The following CCDC85C variants were observed in gnomAD, a reference collection of about 807,000 sequenced individuals.
CCDC85C encodes the protein coiled-coil domain containing 85C.
In CCDC85C, 18 loss-of-function variants were observed where a neutral mutation model predicts 38.3. The observed-to-expected ratio is 0.47, with a 90% CI of 0.33 to 0.70. The LOEUF (loss-of-function observed/expected upper bound fraction) is 0.70. CCDC85C is among the 30% of genes least tolerant of loss of function. The probability of loss-of-function intolerance (pLI) is 0.03; values close to 1 mark genes in which losing one functional copy is unlikely to be tolerated. For missense variants in CCDC85C, 566 were observed against 621.2 expected (o/e 0.91, Z 0.94); for synonymous variants, 264 against 293.8 (o/e 0.90, Z 1.04).
chr14:99,567,933 G>C (rs1436235123), intron 1 of CCDC85C, among the ~76,000 whole-genome samples: 1 of 152,214 alleles, frequency 6.6e-6, no homozygotes, highest in Non-Finnish European at 1.5e-5. Context: ...GCCAAACAAA[G>C]ATGCCAGCAC....
rs1015747591 is a variant in CCDC85C, at chr14:99,514,442, T to A, written c.*804A>T. 31 of 151,698 alleles carry A rather than the reference T, an allele frequency of 2.0e-4. No homozygotes were observed. The highest frequency in any genetic ancestry group is 6.3e-4 in the African/African-American group (26 of 41,180). The allele number at this position is 151,698 out of a possible 1,614,324, so 9.4% of individuals were successfully genotyped here. On this transcript the variant is annotated 3_prime_UTR_variant, in exon 6 of 6. Coordinates refer to ENST00000380243, the MANE Select transcript of CCDC85C (RefSeq NM_001144995.2). ...ATCACATGTGGCTCAGCCCAGAAACTCTCCCCAGGCCCTTCCTGTTACTGG... is the reference window on the plus strand; with the variant it reads ...ATCACATGTGGCTCAGCCCAGAAACACTCCCCAGGCCCTTCCTGTTACTGG...
intron 1 of CCDC85C, among the ~76,000 whole-genome samples, chr14:99,593,144 G>A (rs987893019): frequency 3.9e-5 from 6 of 152,228 alleles, no homozygotes; most frequent in Non-Finnish European, 8.8e-5. Context: ...GTGACAGGCG[G>A]GCGCATTCAG....
At chr14:99,579,370 G>A (rs2054940335) in intron 1 of CCDC85C, among the ~76,000 whole-genome samples, 1 of 152,154 alleles carries the variant, frequency 6.6e-6, no homozygotes, top group African/African-American at 2.4e-5. Context: ...GGGGAGGGGG[G>A]CAGGGAGGCC....
Position 99,503,968 on chromosome 14 carries a change from G to C in CCDC85C, c.*11278C>G. ...GAGACTATTTACCCCCATCACAGCA[G>C]CAGGAGTCCTCTCCCAAGCACCAAG... On this transcript the variant is annotated 3_prime_UTR_variant, in exon 6 of 6. Transcript: ENST00000380243. 1 of 362,554 alleles carries C rather than the reference G, an allele frequency of 2.8e-6. No individual in the cohort carries two copies. Among genetic ancestry groups the C allele is most frequent in the Non-Finnish European group, 5.2e-6 (1 of 191,442 alleles). 22.5% of individuals were successfully genotyped at this position (362,554 alleles called of 1,614,324 possible).
In CCDC85C at chr14:99,548,757, T is replaced by G. The variant is rs1190553452; in HGVS notation, c.794-12669A>C. Among the ~76,000 whole-genome samples, 6 of 151,368 alleles carry G rather than the reference T, an allele frequency of 4.0e-5. No individual in the cohort carries two copies. Among genetic ancestry groups the G allele is most frequent in the African/African-American group, 1.5e-4 (6 of 41,102 alleles). ...GCGTGCTGGAGCTCAGGAGTGTGAGTCCAGCCCGGGCAATCTAAAAAAAGA... is the reference window on the plus strand; with the variant it reads ...GCGTGCTGGAGCTCAGGAGTGTGAGGCCAGCCCGGGCAATCTAAAAAAAGA... On this transcript the variant is annotated intron_variant, in intron 1 of 5. Coordinates refer to ENST00000380243, the MANE Select transcript of CCDC85C (RefSeq NM_001144995.2). The surrounding 1 kb of genome is among the most constrained non-coding windows in gnomAD (Gnocchi z 4.9).
At chr14:99,560,573 C>T (rs1898098205) in intron 1 of CCDC85C, among the ~76,000 whole-genome samples, 3 of 152,208 alleles carry the variant, frequency 2.0e-5, no homozygotes, top group African/African-American at 7.2e-5. Flanking sequence ...GCATCACGCC[C>T]GCCTCACAGG....
chr14:99,522,344 GC>G, intron 2 of CCDC85C, 104 bp from the exon 3 acceptor site: 2 of 805,360 alleles, frequency 2.5e-6, no homozygotes, highest in South Asian at 3.5e-5. Context: ...CAAAGGCACG[GC>G]CCCGGAGGAC....
Position 99,572,916 on chromosome 14 carries a change from G to C in CCDC85C, c.793+30251C>G. On this transcript the variant is annotated intron_variant, in intron 1 of 5. Coordinates refer to ENST00000380243, the MANE Select transcript of CCDC85C (RefSeq NM_001144995.2). The surrounding 1 kb of genome is among the most constrained non-coding windows in gnomAD (Gnocchi z 4.4). ...GGCAGGGTGGGAGGCACGGACCTGA[G>C]GCAGCGCCTTCTCTTAGCTCTGAGC... 1 of 434,814 alleles carries C rather than the reference G, an allele frequency of 2.3e-6. No homozygotes were observed. Among genetic ancestry groups the C allele is most frequent in the Non-Finnish European group, 4.6e-6 (1 of 215,782 alleles). The allele number at this position is 434,814 out of a possible 1,614,324, so 26.9% of individuals were successfully genotyped here. A position where few individuals can be genotyped will look rare whatever the true frequency, so the allele number is the denominator to read the frequency against.
rs1896809221 is a variant in CCDC85C, at chr14:99,500,965, CAA to C, written c.*14279_*14280del. On this transcript the variant is annotated 3_prime_UTR_variant, in exon 6 of 6. Coordinates refer to ENST00000380243, the MANE Select transcript of CCDC85C (RefSeq NM_001144995.2). ...AATTACGCTTCTCAAAAGCGGAAAA[CAA>C]AGTTTGATGTGTGAAATACCAAGGG... 11 of 807,190 alleles carry C rather than the reference CAA, an allele frequency of 1.4e-5. No homozygotes were observed. In the Admixed American group the frequency reaches 2.4e-4, roughly 18 times the overall value. The allele number at this position is 807,190 out of a possible 1,614,324, so 50.0% of individuals were successfully genotyped here. A position where few individuals can be genotyped will look rare whatever the true frequency, so the allele number is the denominator to read the frequency against.
chr14:99,592,304 G>C (rs1473880183), intron 1 of CCDC85C, among the ~76,000 whole-genome samples: 4 of 152,214 alleles, frequency 2.6e-5, no homozygotes, highest in Admixed American at 2.6e-4. Context: ...TCGTGGGTTA[G>C]GCAGGGGAGC....
At position 99,503,075 on chromosome 14, in the gene CCDC85C, G is replaced by A. The variant is rs576158425; in HGVS notation, c.*12171C>T. The stretch of plus-strand genomic sequence containing the variant: ...GTTCCCATTTCTAAGCGAGCACAGG[G>A]AACACCGGAAGCAGGGGGTGTTCGC... On this transcript the variant is annotated 3_prime_UTR_variant, in exon 6 of 6. Coordinates refer to ENST00000380243, the MANE Select transcript of CCDC85C (RefSeq NM_001144995.2). 9.9e-6 allele frequency: 14 copies of A among 1,411,912 alleles called. No homozygotes were observed. The highest frequency in any genetic ancestry group is 1.4e-5 in the Non-Finnish European group (14 of 998,262). The allele number at this position is 1,411,912 out of a possible 1,614,324, so 87.5% of individuals were successfully genotyped here.
chr14:99,583,502 CAAAAAAAAAAAA>C (rs35333670), intron 1 of CCDC85C, among the ~76,000 whole-genome samples: 2 of 85,396 alleles, frequency 2.3e-5, no homozygotes, highest in South Asian at 8.1e-4. Context: ...AACTCCTTCT[CAAAAAAAAAAAA>C]AAAAAAAAAA....
chr14:99,559,262 T>G (rs564675118), intron 1 of CCDC85C, among the ~76,000 whole-genome samples: 67 of 152,136 alleles, frequency 4.4e-4, no homozygotes, highest in African/African-American at 1.6e-3. Flanking sequence ...ACACCTTGAC[T>G]TTGGACTTCT....
rs1015575364 is a variant in CCDC85C, at chr14:99,507,425, T to C, written c.*7821A>G. On this transcript the variant is annotated 3_prime_UTR_variant, in exon 6 of 6. Transcript: ENST00000380243. ...GACCCTGTCTAAAAAATTAGCCAGG[T>C]GTGGTAGCACACACCTGTAGTCCCA... is the stretch of plus-strand genomic sequence containing the variant. 2 of 431,162 alleles carry C rather than the reference T, an allele frequency of 4.6e-6. No homozygotes were observed. The highest frequency in any genetic ancestry group is 8.7e-6 in the Non-Finnish European group (2 of 230,232). 26.7% of individuals were successfully genotyped at this position (431,162 alleles called of 1,614,324 possible). A position where few individuals can be genotyped will look rare whatever the true frequency, so the allele number is the denominator to read the frequency against.
chr14:99,539,968 G>A (rs1345621507), intron 1 of CCDC85C, among the ~76,000 whole-genome samples: 5 of 152,118 alleles, frequency 3.3e-5, no homozygotes, highest in Non-Finnish European at 7.4e-5. Flanking sequence ...CCAACAAGGT[G>A]AAACCCCCAT....
chr14:99,535,529 C>T lies in CCDC85C; in HGVS notation c.867+486G>A, dbSNP rs573707700. Among the ~76,000 whole-genome samples, 17 of 152,274 alleles carry T rather than the reference C, an allele frequency of 1.1e-4. No individual in the cohort carries two copies. Among genetic ancestry groups the T allele is most frequent in the Admixed American group, 7.8e-4 (12 of 15,300 alleles). On this transcript the variant is annotated intron_variant, in intron 2 of 5. Coordinates refer to ENST00000380243, the MANE Select transcript of CCDC85C (RefSeq NM_001144995.2). This position sits in a 1 kb window ranked among gnomAD's most constrained non-coding sequence, Gnocchi z 5.5. The stretch of plus-strand genomic sequence containing the variant: ...TCCCCCCTACAGCCAACCCCTCCCA[C>T]GCCGTGCCCCTGCTGCCCAGCTCTG...
chr14:99,542,022 G>A (rs966173616), intron 1 of CCDC85C, among the ~76,000 whole-genome samples: 3 of 152,184 alleles, frequency 2.0e-5, no homozygotes, highest in East Asian at 1.9e-4. Context: ...AGGCAGGCTC[G>A]TGGCAGGTCA....
intron 1 of CCDC85C, among the ~76,000 whole-genome samples, chr14:99,539,085 T>C (rs767663665): frequency 1.3e-4 from 20 of 152,346 alleles, no homozygotes; most frequent in African/African-American, 1.9e-4. Flanking sequence ...CCAGGCTTCA[T>C]TGGGTTTTTC....
chr14:99,526,842 A>T (rs1331523748), intron 2 of CCDC85C, among the ~76,000 whole-genome samples: 1 of 152,162 alleles, frequency 6.6e-6, no homozygotes, highest in Non-Finnish European at 1.5e-5. Flanking sequence ...CTGGAAGCAG[A>T]GGCTCGAATG....
Sources: gnomAD v4.1 joint callset for allele counts (sites outside exome capture counted in the v4.1 genomes callset) on GRCh38, gnomAD v4.1.1 for gene constraint, Gnocchi (gnomAD v3.1) non-coding constraint, MANE v1.5 for transcripts, NCBI Gene and HGNC (gene_info 2026-07-23, HGNC 2026-07-21) for gene names.